The following STPG4 variants were observed in gnomAD, a reference collection of about 807,000 sequenced individuals.
STPG4 encodes protein STPG4.
A neutral mutation model predicts 31.5 loss-of-function variants in STPG4; 41 were observed. The observed-to-expected ratio is 1.30, with a 90% confidence interval of 1.01 to 1.69. The LOEUF is 1.69. Among genes scored for constraint, STPG4 ranks in the 40% most tolerant of loss-of-function variants. The pLI, the probability that STPG4 is intolerant of heterozygous loss-of-function variation, is 0.00. For missense variants in STPG4, 375 were observed against 293.4 expected (o/e 1.28, Z -2.03); for synonymous variants, 141 against 103.0 (o/e 1.37, Z -2.24).
At chr2:47,104,582 C>G (rs1380422745) in intron 5 of STPG4, among the ~76,000 whole-genome samples, 1 of 151,976 alleles carries the variant, frequency 6.6e-6, no homozygotes, top group Non-Finnish European at 1.5e-5. Flanking sequence ...GAGGATCCCG[C>G]AGACCACATG....
intron 3 of STPG4, among the ~76,000 whole-genome samples, chr2:47,146,850 G>T (rs1311793662): frequency 6.6e-6 from 1 of 151,334 alleles, no homozygotes; most frequent in Non-Finnish European, 1.5e-5. Flanking sequence ...GAAAAGAGGG[G>T]AGAGTGGCTG....
chr2:47,117,607 C>G (rs1038745551), intron 5 of STPG4, among the ~76,000 whole-genome samples: 7 of 152,222 alleles, frequency 4.6e-5, no homozygotes, highest in African/African-American at 1.7e-4. Flanking sequence ...ATCACAGACT[C>G]TCATTTAATA....
At chr2:47,149,216 GT>G (rs1265070195) in intron 3 of STPG4, among the ~76,000 whole-genome samples, 1 of 152,168 alleles carries the variant, frequency 6.6e-6, no homozygotes, top group Admixed American at 6.5e-5. Flanking sequence ...GAAAAACTAT[GT>G]TTTCAGAAGG....
intron 3 of STPG4, among the ~76,000 whole-genome samples, chr2:47,147,308 G>A (rs78843660): frequency 6.6e-6 from 1 of 152,276 alleles, no homozygotes; most frequent in Non-Finnish European, 1.5e-5. Context: ...TTGTGGCTTT[G>A]CCAAACAAGT....
At chr2:47,126,605 G>C (rs183288354) in intron 5 of STPG4, among the ~76,000 whole-genome samples, 22 of 152,224 alleles carry the variant, frequency 1.4e-4, no homozygotes, top group African/African-American at 4.3e-4. Context: ...GAGATTATAG[G>C]CATGAGCCAC....
rs181149332 is a variant in STPG4, at chr2:47,143,837, A to G, written c.399+7421T>C. Among the ~76,000 whole-genome samples, 416 of 152,310 alleles carry G rather than the reference A, an allele frequency of 2.7e-3. 2 individuals carry two copies. Among genetic ancestry groups the G allele is most frequent in the African/African-American group, 9.4e-3 (389 of 41,552 alleles). Reference sequence around the variant, plus strand: ...ATATTTATTACAATTGGATTGTAAAAGACCATGACTCATTTTCACCATTTG... The same window carrying G: ...ATATTTATTACAATTGGATTGTAAAGGACCATGACTCATTTTCACCATTTG... On this transcript the variant is annotated intron_variant, in intron 3 of 6. Transcript: ENST00000445927.
chr2:47,106,573 C>T (rs562326466), intron 5 of STPG4, among the ~76,000 whole-genome samples: 10 of 151,946 alleles, frequency 6.6e-5, no homozygotes, highest in South Asian at 4.2e-4. Context: ...TCTCCAAAAC[C>T]GCTGAGGCCT....
chr2:47,096,062 T>G (rs1685663909), intron 5 of STPG4, among the ~76,000 whole-genome samples: 1 of 152,192 alleles, frequency 6.6e-6, no homozygotes, highest in Non-Finnish European at 1.5e-5. Context: ...GAGAAATCAA[T>G]TCCTATCTTG....
At chr2:47,116,210 G>C (rs149945075) in intron 5 of STPG4, among the ~76,000 whole-genome samples, 1 of 152,194 alleles carries the variant, frequency 6.6e-6, no homozygotes, top group Non-Finnish European at 1.5e-5. Flanking sequence ...CATTGTCAAC[G>C]TGATAGTATT....
intron 5 of STPG4, among the ~76,000 whole-genome samples, chr2:47,122,252 G>T (rs1686287408): frequency 6.6e-6 from 1 of 152,056 alleles, no homozygotes; most frequent in Non-Finnish European, 1.5e-5. Context: ...TTATCTGTTA[G>T]GAATGTTGAA....
At chr2:47,102,722 G>C (rs1685825835) in intron 5 of STPG4, among the ~76,000 whole-genome samples, 1 of 150,502 alleles carries the variant, frequency 6.6e-6, no homozygotes. Context: ...ATCTCCAAAG[G>C]ACCATAAAAA....
Position 47,155,176 on chromosome 2 carries a change from C to T in STPG4, c.76G>A (p.Ala26Thr). 6.2e-7 allele frequency: 1 copy of T among 1,614,132 alleles called. No homozygotes were observed. The highest frequency in any genetic ancestry group is 1.1e-5 in the South Asian group (1 of 91,080). ...DLVGGESFITASKPAQKTSSF... is the reference protein window; with the variant it reads ...DLVGGESFITTSKPAQKTSSF... ...CAAGGGGCAGGCCATCTTACCGAAG[C>T]TGTGATGAATGATTCTCCACCCACC... Residue 26 changes from alanine to threonine, a missense_variant, in exon 1 of 7, where the codon GCT (alanine) becomes ACT (threonine). Ala to Thr is a moderately conservative substitution (Grantham distance 58). Coordinates refer to ENST00000445927, the MANE Select transcript of STPG4 (RefSeq NM_001163561.2).
intron 5 of STPG4, among the ~76,000 whole-genome samples, chr2:47,122,515 G>C (rs1292662114): frequency 6.6e-6 from 1 of 151,962 alleles, no homozygotes; most frequent in Non-Finnish European, 1.5e-5. Flanking sequence ...TATGAAGTGA[G>C]AATCTAACAC....
rs1686394328 is a variant in STPG4, at chr2:47,127,800, G to C, written c.519+2141C>G. Among the ~76,000 whole-genome samples, 4 of 152,210 alleles carry C rather than the reference G, an allele frequency of 2.6e-5. No individual in the cohort carries two copies. The South Asian group carries it at 8.3e-4, about 32-fold the overall frequency. Reference sequence around the variant, plus strand: ...GCTATTTTGAGGTGTCTGTCTGAAAGGTCACATATCTGTGTCACTCTGGGA... The same window carrying C: ...GCTATTTTGAGGTGTCTGTCTGAAACGTCACATATCTGTGTCACTCTGGGA... On this transcript the variant is annotated intron_variant, in intron 5 of 6. Coordinates refer to ENST00000445927, the MANE Select transcript of STPG4 (RefSeq NM_001163561.2).
chr2:47,111,307 C>G (rs924173647), intron 5 of STPG4, among the ~76,000 whole-genome samples: 1 of 152,072 alleles, frequency 6.6e-6, no homozygotes, highest in African/African-American at 2.4e-5. Flanking sequence ...AAAAAGTAGC[C>G]CATATATGTT....
chr2:47,136,546 G>A (rs190153135), intron 3 of STPG4, among the ~76,000 whole-genome samples: 42 of 152,194 alleles, frequency 2.8e-4, no homozygotes, highest in Middle Eastern at 3.4e-3. Context: ...ATCTTTCGGC[G>A]TCCTAATGTG....
intron 5 of STPG4, chr2:47,108,238 A>AG (rs1405416181): frequency 5.3e-5 from 8 of 151,508 alleles, no homozygotes; most frequent in African/African-American, 1.7e-4. Flanking sequence ...GCCAGATAAG[A>AG]GAAAAAAAGC....
chr2:47,106,148 G>T (rs1379308474), intron 5 of STPG4, among the ~76,000 whole-genome samples: 1 of 151,860 alleles, frequency 6.6e-6, no homozygotes, highest in African/African-American at 2.4e-5. Context: ...AAAGAGAGAT[G>T]GAAGTAGTAA....
At chr2:47,093,749 G>A (rs1365385122) in intron 5 of STPG4, among the ~76,000 whole-genome samples, 3 of 152,238 alleles carry the variant, frequency 2.0e-5, no homozygotes, top group Admixed American at 1.3e-4. Context: ...GCTGCAGAAA[G>A]AAGTTACTGA....
Sources: gnomAD v4.1 joint callset for allele counts (sites outside exome capture counted in the v4.1 genomes callset) on GRCh38, gnomAD v4.1.1 for gene constraint, MANE v1.5 for transcripts, NCBI Gene and HGNC (gene_info 2026-07-23, HGNC 2026-07-21) for gene names.